Variants in NIPA2 observed in about 807,000 individuals in gnomAD.
The protein encoded by NIPA2 is NIPA magnesium transporter 2.
A neutral mutation model predicts 29.7 loss-of-function variants in NIPA2; 11 were observed. That is an observed-to-expected ratio of 0.37 (90% CI 0.23 to 0.61). The LOEUF (loss-of-function observed/expected upper bound fraction) is 0.61, where lower values mean the gene tolerates loss of function less well. Ranked by LOEUF, NIPA2 falls within the 20% of genes least tolerant of loss-of-function variation. The pLI is 0.66. For missense variants in NIPA2, 426 were observed against 437.9 expected (o/e 0.97, Z 0.24); for synonymous variants, 183 against 161.9 (o/e 1.13, Z -0.99).
chr15:22,855,851 G>T (rs986309718), intron 5 of NIPA2, among the ~76,000 whole-genome samples: 1 of 152,164 alleles, frequency 6.6e-6, no homozygotes, highest in Non-Finnish European at 1.5e-5. Context: ...CACGAGTGGG[G>T]AGCATGCCAG....
chr15:22,846,131 A>G (rs1202923055), intron 3 of NIPA2, among the ~76,000 whole-genome samples: 1 of 152,158 alleles, frequency 6.6e-6, no homozygotes, highest in African/African-American at 2.4e-5. Context: ...TTCGCTTAGG[A>G]TAGAACGGAG....
chr15:22,860,928 C>T lies in NIPA2; in HGVS notation c.448+139C>T, dbSNP rs1006854697. 6 of 605,544 alleles carry T rather than the reference C, an allele frequency of 9.9e-6. No individual in the cohort carries two copies. In the Admixed American group the frequency reaches 1.9e-4, roughly 19 times the overall value. The allele number at this position is 605,544 out of a possible 1,614,324, so 37.5% of individuals were successfully genotyped here. A position where few individuals can be genotyped will look rare whatever the true frequency, so the allele number is the denominator to read the frequency against. ...CAAATTGTCGTCATGTTCCCTGCTC[C>T]CTCCTATCAATCCCAAGCCTGTGTT... is the stretch of plus-strand genomic sequence containing the variant. On this transcript the variant is annotated intron_variant, in intron 7 of 7. Coordinates refer to ENST00000337451, the MANE Select transcript of NIPA2 (RefSeq NM_030922.7).
chr15:22,867,463 CT>C lies in NIPA2; in HGVS notation c.*617del. The C allele has an allele frequency of 3.0e-6, 1 of 338,548 alleles. No individual in the cohort carries two copies. Among genetic ancestry groups the C allele is most frequent in the Non-Finnish European group, 5.3e-6 (1 of 189,756 alleles). The allele number at this position is 338,548 out of a possible 1,614,324, so 21.0% of individuals were successfully genotyped here. ...ATGATCACCGTGAATCCGGCTTCCT[CT>C]GAGCATTCGATGGCCTTAGCACCTC... On this transcript the variant is annotated 3_prime_UTR_variant, in exon 8 of 8. Coordinates refer to ENST00000337451, the MANE Select transcript of NIPA2 (RefSeq NM_030922.7).
chr15:22,841,047 G>C (rs1896961324), intron 2 of NIPA2, among the ~76,000 whole-genome samples: 1 of 152,004 alleles, frequency 6.6e-6, no homozygotes, highest in South Asian at 2.1e-4. Context: ...GGGAGATTTA[G>C]GTCACAGGAT....
chr15:22,864,450 G>A (rs7167679), intron 7 of NIPA2, among the ~76,000 whole-genome samples: 74,819 of 152,048 alleles, frequency 0.49, 19,065 homozygotes, highest in Non-Finnish European at 0.56. Context: ...CACCACGCCC[G>A]GCCTGCTGTC....
At chr15:22,840,812 T>TA (rs1186979557) in intron 2 of NIPA2, among the ~76,000 whole-genome samples, 5 of 152,100 alleles carry the variant, frequency 3.3e-5, no homozygotes, top group African/African-American at 1.2e-4. Context: ...TAGCTATTGT[T>TA]AGGGAGAGAT....
At chr15:22,848,752 G>T (rs1054591987) in intron 3 of NIPA2, among the ~76,000 whole-genome samples, 1 of 143,646 alleles carries the variant, frequency 7.0e-6, no homozygotes, top group African/African-American at 2.6e-5. Flanking sequence ...TTGAACCTGG[G>T]CAGTAGAGGT....
At chr15:22,862,720 A>G (rs892016202) in intron 7 of NIPA2, among the ~76,000 whole-genome samples, 1 of 151,818 alleles carries the variant, frequency 6.6e-6, no homozygotes, top group Admixed American at 6.6e-5. Flanking sequence ...GCATTTTTTA[A>G]TTGAATGCTG....
chr15:22,866,114 A>G (rs1258239748), intron 7 of NIPA2, 99 bp from the exon 8 acceptor site: 1 of 975,578 alleles, frequency 1.0e-6, no homozygotes, highest in Non-Finnish European at 1.5e-6. Context: ...TCCAGGCCAT[A>G]CCTTTTCTCC....
intron 3 of NIPA2, among the ~76,000 whole-genome samples, chr15:22,848,606 A>G (rs188275970): frequency 1.1e-3 from 171 of 151,930 alleles, no homozygotes; most frequent in African/African-American, 4.0e-3. Flanking sequence ...TGGGCGGATC[A>G]CTCGAGGTCA....
At chr15:22,849,205 T>C (rs940832362) in intron 3 of NIPA2, among the ~76,000 whole-genome samples, 20 of 152,230 alleles carry the variant, frequency 1.3e-4, no homozygotes, top group African/African-American at 4.6e-4. Context: ...TCCATAGATA[T>C]GCTGAAGTTA....
rs781194227 is a variant in NIPA2, at chr15:22,866,340, A to C, written c.576A>C (p.Ser192=). 1 of 1,613,962 alleles carries C rather than the reference A, an allele frequency of 6.2e-7. No homozygotes were observed. Among genetic ancestry groups the C allele is most frequent in the Non-Finnish European group, 8.5e-7 (1 of 1,180,020 alleles). ...ITICSVIGAF[S]VSCVKGLGIA... is the part of the protein sequence containing the mutation. Reference sequence around the variant, plus strand: ...TCTGCTCTGTAATCGGCGCGTTTTCAGTCTCCTGTGTGAAGGGCCTGGGCA... The same window carrying C: ...TCTGCTCTGTAATCGGCGCGTTTTCCGTCTCCTGTGTGAAGGGCCTGGGCA... Residue 192 remains serine, a synonymous_variant, in exon 8 of 8, where the codon TCA becomes TCC. Coordinates refer to ENST00000337451, the MANE Select transcript of NIPA2 (RefSeq NM_030922.7).
intron 2 of NIPA2, among the ~76,000 whole-genome samples, chr15:22,843,835 T>A (rs1463989849): frequency 6.6e-6 from 1 of 151,870 alleles, no homozygotes; most frequent in African/African-American, 2.4e-5. Context: ...AATTTTTATG[T>A]TTTTGTAGAG....
intron 7 of NIPA2, among the ~76,000 whole-genome samples, chr15:22,863,598 C>T (rs773593511): frequency 2.6e-5 from 4 of 152,206 alleles, no homozygotes; most frequent in Non-Finnish European, 5.9e-5. Context: ...CCAAGAAACA[C>T]CGTAAGGGGA....
intron 5 of NIPA2, among the ~76,000 whole-genome samples, chr15:22,855,357 C>T: frequency 6.6e-6 from 1 of 151,818 alleles, no homozygotes; most frequent in Non-Finnish European, 1.5e-5. Flanking sequence ...GCAGAGGTTA[C>T]AGTGAGCTGA....
intron 5 of NIPA2, among the ~76,000 whole-genome samples, chr15:22,858,252 G>A (rs2058348846): frequency 6.6e-6 from 1 of 152,098 alleles, no homozygotes. Context: ...AAATTAGCTG[G>A]GCATAGTGGC....
intron 2 of NIPA2, among the ~76,000 whole-genome samples, chr15:22,844,830 C>G (rs1338044253): frequency 2.0e-5 from 3 of 152,192 alleles, no homozygotes. Flanking sequence ...TCATAAGACT[C>G]TTTAAAAGTG....
At position 22,851,728 on chromosome 15, in the gene NIPA2, C is replaced by G. The variant is rs901973792; in HGVS notation, c.-4C>G. The G allele has an allele frequency of 1.9e-6, 3 of 1,605,040 alleles. No homozygotes were observed. Among genetic ancestry groups the G allele is most frequent in the East Asian group, 4.5e-5 (2 of 44,794 alleles). On this transcript the variant is annotated 5_prime_UTR_variant, in exon 4 of 8. Transcript: ENST00000337451. The stretch of plus-strand genomic sequence containing the variant: ...TCACAGGAACTCCTTAAGTAACAAA[C>G]GAAATGAGCCAGGGGCGTGGAAAAT...
chr15:22,847,413 T>C (rs1899058640), intron 3 of NIPA2, among the ~76,000 whole-genome samples: 1 of 152,128 alleles, frequency 6.6e-6, no homozygotes, highest in South Asian at 2.1e-4. Flanking sequence ...AGAACTTGCA[T>C]GATAATTAAG....
Sources: gnomAD v4.1 joint callset for allele counts (sites outside exome capture counted in the v4.1 genomes callset) on GRCh38, gnomAD v4.1.1 for gene constraint, MANE v1.5 for transcripts, NCBI Gene and HGNC (gene_info 2026-07-23, HGNC 2026-07-21) for gene names.